The following PGBD5 variants were observed in gnomAD, a reference collection of about 807,000 sequenced individuals.
PGBD5 encodes the protein piggyBac transposable element derived 5, also known as piggyBac transposable element-derived protein 5.
Under a neutral mutation model 47.9 loss-of-function variants are expected in PGBD5, and 14 were observed. That is an observed-to-expected ratio of 0.29 (90% CI 0.19 to 0.46). The LOEUF is 0.46. PGBD5 is among the 20% of genes least tolerant of loss of function. The pLI is 1.00. For missense variants in PGBD5, 635 were observed against 716.0 expected, an observed-to-expected ratio of 0.89 and a Z score of 1.29; for synonymous variants, 316 against 306.3, an observed-to-expected ratio of 1.03 and a Z score of -0.33.
rs1666926153 is a variant in PGBD5, at chr1:230,315,771, GATGTATGC to G, written c.*7646_*7653del. 2 of 139,120 alleles carry G rather than the reference GATGTATGC, an allele frequency of 1.4e-5. No homozygotes were observed. Among genetic ancestry groups the G allele is most frequent in the Admixed American group, 1.5e-4 (2 of 13,692 alleles). 8.6% of individuals were successfully genotyped at this position (139,120 alleles called of 1,614,324 possible). A position where few individuals can be genotyped will look rare whatever the true frequency, so the allele number is the denominator to read the frequency against. On this transcript the variant is annotated 3_prime_UTR_variant, in exon 7 of 7. Transcript: ENST00000391860. ...TATATATACACATACATATATTATA[GATGTATGC>G]ATATATGTATATATGTATACATATA...
rs779019200 is a variant in PGBD5, at chr1:230,356,976, G to A, written c.677C>T (p.Thr226Met). The A allele has an allele frequency of 1.7e-5, 27 of 1,614,094 alleles. No individual in the cohort carries two copies. Among genetic ancestry groups the A allele is most frequent in the South Asian group, 4.4e-5 (4 of 91,086 alleles). Reference sequence around the variant, plus strand: ...GGGCTGGACCTTGTAGAGCCCGTGCGTGGTCTGGCTGGAGCGGAAGGCCAC... The same window carrying A: ...GGGCTGGACCTTGTAGAGCCCGTGCATGGTCTGGCTGGAGCGGAAGGCCAC... ...HVVAFRSSQTTHGLYKVQPFL... is the reference protein window; with the variant it reads ...HVVAFRSSQTMHGLYKVQPFL... Residue 226 changes from threonine to methionine, a missense_variant, in exon 2 of 7, where the codon ACG becomes ATG. Transcript: ENST00000391860.
At chr1:230,367,160 C>T (rs562697194) in intron 1 of PGBD5, among the ~76,000 whole-genome samples, 23 of 152,182 alleles carry the variant, frequency 1.5e-4, no homozygotes, top group Non-Finnish European at 2.6e-4. Flanking sequence ...GCTCTTCAGT[C>T]GCAATCAAAT....
At chr1:230,410,376 A>G (rs1319148385) in intron 1 of PGBD5, among the ~76,000 whole-genome samples, 1 of 152,222 alleles carries the variant, frequency 6.6e-6, no homozygotes, top group Non-Finnish European at 1.5e-5. Flanking sequence ...CTTCCCTCAA[A>G]TAAGAATATA....
chr1:230,318,230 C>T lies in PGBD5; in HGVS notation c.*5195G>A, dbSNP rs1666979636. 1 of 152,114 alleles carries T rather than the reference C, an allele frequency of 6.6e-6. No homozygotes were observed. Among genetic ancestry groups the T allele is most frequent in the Admixed American group, 6.5e-5 (1 of 15,282 alleles). 9.4% of individuals were successfully genotyped at this position (152,114 alleles called of 1,614,324 possible). On this transcript the variant is annotated 3_prime_UTR_variant, in exon 7 of 7. Transcript: ENST00000391860. ...AACAGCTCTAAGTGCCACTTTGGTACCTGATACTCTTTATTTCTTATTGGG... is the reference window on the plus strand; with the variant it reads ...AACAGCTCTAAGTGCCACTTTGGTATCTGATACTCTTTATTTCTTATTGGG...
In PGBD5 at chr1:230,314,771, T is replaced by G. The variant is rs1666911633; in HGVS notation, c.*8654A>C. 6.6e-6 allele frequency: 1 copy of G among 152,104 alleles called. No individual in the cohort carries two copies. The highest frequency in any genetic ancestry group is 1.5e-5 in the Non-Finnish European group (1 of 68,034). The allele number at this position is 152,104 out of a possible 1,614,324, so 9.4% of individuals were successfully genotyped here. A position where few individuals can be genotyped will look rare whatever the true frequency, so the allele number is the denominator to read the frequency against. Reference sequence around the variant, plus strand: ...AATGGGGGTGCAGCTGTGTGATATCTGTGCAGTTTGTGATAAAATTAAAAA... The same window carrying G: ...AATGGGGGTGCAGCTGTGTGATATCGGTGCAGTTTGTGATAAAATTAAAAA... On this transcript the variant is annotated 3_prime_UTR_variant, in exon 7 of 7. Coordinates refer to ENST00000391860, the MANE Select transcript of PGBD5 (RefSeq NM_001258311.2).
chr1:230,355,634 T>C (rs1667625458), intron 2 of PGBD5, among the ~76,000 whole-genome samples: 1 of 152,132 alleles, frequency 6.6e-6, no homozygotes, highest in East Asian at 1.9e-4. Context: ...GGAAGGTAAA[T>C]GACACACTGG....
At chr1:230,406,824 C>T (rs1269344888) in intron 1 of PGBD5, among the ~76,000 whole-genome samples, 2 of 152,168 alleles carry the variant, frequency 1.3e-5, no homozygotes, top group African/African-American at 2.4e-5. Context: ...AAAAATTTCA[C>T]AATCAAGTTT....
Position 230,357,565 on chromosome 1 carries a change from C to T in PGBD5, c.332-244G>A, listed in dbSNP as rs1047085853. On this transcript the variant is annotated intron_variant, in intron 1 of 6. Transcript: ENST00000391860. The surrounding 1 kb of genome is among the most constrained non-coding windows in gnomAD (Gnocchi z 5.7). ...CTCTCCTGCTGTGTGTGTGGGAGCG[C>T]AGCTCCTCCCAGACACCACAGGAAC... is the stretch of plus-strand genomic sequence containing the variant. Among the ~76,000 whole-genome samples, 6 of 152,222 alleles carry T rather than the reference C, an allele frequency of 3.9e-5. No individual in the cohort carries two copies. The highest frequency in any genetic ancestry group is 7.3e-5 in the Non-Finnish European group (5 of 68,044).
intron 2 of PGBD5, among the ~76,000 whole-genome samples, chr1:230,355,610 T>G (rs1667625388): frequency 6.6e-6 from 1 of 152,178 alleles, no homozygotes; most frequent in Admixed American, 6.5e-5. Flanking sequence ...CTCGAAAGTC[T>G]CCACTTCTTG....
chr1:230,324,723 C>T (rs1033752880), intron 6 of PGBD5, among the ~76,000 whole-genome samples: 1 of 152,066 alleles, frequency 6.6e-6, no homozygotes, highest in African/African-American at 2.4e-5. Flanking sequence ...TATAATGGCA[C>T]GAGGTCAGGG....
At chr1:230,365,535 T>C (rs913201761) in intron 1 of PGBD5, among the ~76,000 whole-genome samples, 2 of 152,152 alleles carry the variant, frequency 1.3e-5, no homozygotes, top group African/African-American at 4.8e-5. Flanking sequence ...TGAGATTTCA[T>C]TTCTGTGTGA....
At chr1:230,333,716 C>G (rs1042368850) in intron 4 of PGBD5, among the ~76,000 whole-genome samples, 2 of 152,236 alleles carry the variant, frequency 1.3e-5, no homozygotes, top group African/African-American at 2.4e-5. Flanking sequence ...TGAACTAAAC[C>G]AAGTGTCCTT....
intron 1 of PGBD5, among the ~76,000 whole-genome samples, chr1:230,393,743 T>G (rs1332759856): frequency 6.8e-6 from 1 of 147,318 alleles, no homozygotes; most frequent in East Asian, 2.0e-4. Flanking sequence ...GAGAATGGCG[T>G]GAACCCGGGA....
At chr1:230,402,856 T>A (rs1278685128) in intron 1 of PGBD5, among the ~76,000 whole-genome samples, 1 of 152,248 alleles carries the variant, frequency 6.6e-6, no homozygotes, top group Non-Finnish European at 1.5e-5. Context: ...TCTCTGCCAA[T>A]GATATGGTAG....
intron 1 of PGBD5, among the ~76,000 whole-genome samples, chr1:230,374,053 A>G (rs974412373): frequency 5.3e-5 from 8 of 152,220 alleles, no homozygotes; most frequent in African/African-American, 1.9e-4. Flanking sequence ...AATAGAAAAA[A>G]GTCTGGAATA....
intron 1 of PGBD5, among the ~76,000 whole-genome samples, chr1:230,381,960 T>C (rs1656511617): frequency 6.6e-6 from 1 of 152,194 alleles, no homozygotes; most frequent in Admixed American, 6.5e-5. Flanking sequence ...CATGAAACTT[T>C]TGTCATTCAC....
rs1199758203 is a variant in PGBD5 at position 230,390,478 on chromosome 1, T to C, written c.332-33157A>G. Among the ~76,000 whole-genome samples the C allele has an allele frequency of 2.6e-5, 4 of 152,172 alleles. No homozygotes were observed. The East Asian group carries it at 7.7e-4, about 29-fold the overall frequency. The stretch of plus-strand genomic sequence containing the variant: ...GCAGCAAACCAAATCAGCCTACATT[T>C]GTTTGACAATAGTTGTGTTACTGGT... On this transcript the variant is annotated intron_variant, in intron 1 of 6. Coordinates refer to ENST00000391860, the MANE Select transcript of PGBD5 (RefSeq NM_001258311.2).
At chr1:230,422,565 G>A (rs1297595467) in intron 1 of PGBD5, among the ~76,000 whole-genome samples, 7 of 152,146 alleles carry the variant, frequency 4.6e-5, no homozygotes, top group Non-Finnish European at 1.0e-4. Flanking sequence ...CAGCTAGCCC[G>A]ACAAGCATAG....
chr1:230,381,616 C>T (rs1019745089), intron 1 of PGBD5, among the ~76,000 whole-genome samples: 1 of 152,238 alleles, frequency 6.6e-6, no homozygotes, highest in Non-Finnish European at 1.5e-5. Context: ...CCACTACTTT[C>T]TTCTGTCCTA....
Sources: allele counts gnomAD v4.1 joint callset (sites outside exome capture counted in the v4.1 genomes callset), GRCh38; gene constraint gnomAD v4.1.1; non-coding constraint Gnocchi (gnomAD v3.1); transcripts MANE v1.5; gene names NCBI Gene and HGNC (gene_info 2026-07-23, HGNC 2026-07-21).